NCALD: variants seen among roughly 807,000 people sequenced by gnomAD.
NCALD encodes the protein neurocalcin-delta.
A neutral mutation model predicts 18.6 loss-of-function variants in NCALD; 10 were observed. That is an observed-to-expected ratio of 0.54 (90% CI 0.33 to 0.91). The LOEUF (loss-of-function observed/expected upper bound fraction) is 0.91. NCALD is among the 40% of genes least tolerant of loss of function. NCALD has a pLI of 0.03. For synonymous variants in NCALD, 88 were observed against 87.4 expected (o/e 1.01, Z -0.04); for missense variants, 184 against 247.6 (o/e 0.74, Z 1.72).
At chr8:102,053,556 G>T (rs777735217) in intron 1 of NCALD, among the ~76,000 whole-genome samples, 47 of 152,036 alleles carry the variant, frequency 3.1e-4, no homozygotes, top group Non-Finnish European at 3.5e-4. Context: ...ATTTTACAGT[G>T]GAGCAAACCG....
intron 2 of NCALD, among the ~76,000 whole-genome samples, chr8:101,954,517 G>A (rs1233079785): frequency 6.6e-6 from 1 of 152,116 alleles, no homozygotes; most frequent in African/African-American, 2.4e-5. Context: ...CTCTTACCAT[G>A]AGGGAAACAA....
At chr8:102,039,368 T>C (rs10113490) in intron 1 of NCALD, among the ~76,000 whole-genome samples, 58,196 of 152,084 alleles carry the variant, frequency 0.38, 11,484 homozygotes, top group African/African-American at 0.43. Context: ...CACACTTGCA[T>C]TGTCTTCAGA....
In NCALD at chr8:101,910,947, A is replaced by G. The variant is rs1444429834; in HGVS notation, c.-107+4862T>C. 2.0e-5 allele frequency among the ~76,000 whole-genome samples: 3 copies of G among 152,200 alleles called. No individual in the cohort carries two copies. In the East Asian group the frequency reaches 5.8e-4, roughly 29 times the overall value. On this transcript the variant is annotated intron_variant, in intron 3 of 6. Transcript: ENST00000311028. The stretch of plus-strand genomic sequence containing the variant: ...TGACCTTCCAGCTAAAGATAAATGC[A>G]CTTGCTCTGAGCTTTCACTGAATGC...
At chr8:101,738,544 CAAAAAAACAAAAAAA>C (rs1234931568) in intron 1 of NCALD, among the ~76,000 whole-genome samples, 1 of 16,340 alleles carries the variant, frequency 6.1e-5, no homozygotes, top group Non-Finnish European at 1.3e-4. Flanking sequence ...AACTCCATCT[CAAAAAAACAAAAAAA>C]AAAAAAAAAA....
chr8:101,894,557 A>G (rs1817066273), intron 3 of NCALD, among the ~76,000 whole-genome samples: 1 of 145,068 alleles, frequency 6.9e-6, no homozygotes, highest in Non-Finnish European at 1.5e-5. Flanking sequence ...CCCTTCAAAA[A>G]ATCAAGGAAT....
chr8:101,989,835 G>T (rs1379043539), intron 2 of NCALD, among the ~76,000 whole-genome samples: 1 of 152,092 alleles, frequency 6.6e-6, no homozygotes, highest in Non-Finnish European at 1.5e-5. Flanking sequence ...TCGTTCTCCT[G>T]GTTATAGTAC....
chr8:102,069,025 G>C (rs1211031427), intron 1 of NCALD, among the ~76,000 whole-genome samples: 2 of 152,144 alleles, frequency 1.3e-5, no homozygotes, highest in African/African-American at 2.4e-5. Context: ...CCAGAGGCTG[G>C]GTGAGGGGAG....
intron 3 of NCALD, among the ~76,000 whole-genome samples, chr8:101,910,786 A>T (rs561383720): frequency 2.8e-4 from 42 of 152,210 alleles, no homozygotes; most frequent in Non-Finnish European, 7.3e-5. Context: ...TAAAACCACT[A>T]GGCAAACCTA....
At chr8:102,123,210 A>G (rs1238491866) in intron 1 of NCALD, among the ~76,000 whole-genome samples, 1 of 152,216 alleles carries the variant, frequency 6.6e-6, no homozygotes, top group East Asian at 1.9e-4. Flanking sequence ...ACTTTGAGCG[A>G]GCTTGTGTGG....
At chr8:101,921,998 C>CAG (rs1239116902) in intron 2 of NCALD, among the ~76,000 whole-genome samples, 1 of 150,988 alleles carries the variant, frequency 6.6e-6, no homozygotes, top group Admixed American at 6.6e-5. Flanking sequence ...GGCTGGAATG[C>CAG]AGTGGCACAA....
chr8:101,813,899 T>C (rs985589774), intron 4 of NCALD, among the ~76,000 whole-genome samples: 5 of 152,058 alleles, frequency 3.3e-5, no homozygotes, highest in African/African-American at 1.2e-4. Flanking sequence ...TTTTACTACA[T>C]AAAACTGCAG....
At chr8:101,913,085 G>A (rs1352786969) in intron 3 of NCALD, among the ~76,000 whole-genome samples, 1 of 152,162 alleles carries the variant, frequency 6.6e-6, no homozygotes, top group African/African-American at 2.4e-5. Flanking sequence ...TCAAGCTCCA[G>A]ACAAGAACAC....
chr8:102,084,946 A>G (rs903794933), intron 1 of NCALD, among the ~76,000 whole-genome samples: 4 of 152,180 alleles, frequency 2.6e-5, no homozygotes, highest in South Asian at 2.1e-4. Context: ...GTTCTGGGAA[A>G]ATGAGTAAAA....
intron 4 of NCALD, among the ~76,000 whole-genome samples, chr8:101,859,683 AAAAG>A (rs1815461535): frequency 6.6e-6 from 1 of 152,166 alleles, no homozygotes; most frequent in Admixed American, 6.5e-5. Context: ...ACATAGTATA[AAAAG>A]AAAGAAAAGA....
intron 1 of NCALD, among the ~76,000 whole-genome samples, chr8:102,022,317 C>T (rs1805994177): frequency 1.3e-5 from 2 of 152,204 alleles, no homozygotes; most frequent in Non-Finnish European, 2.9e-5. Context: ...ATGATCATTT[C>T]AGTAAAGCAT....
intron 1 of NCALD, among the ~76,000 whole-genome samples, chr8:101,730,873 G>GT (rs1816800135): frequency 6.6e-6 from 1 of 152,160 alleles, no homozygotes; most frequent in Non-Finnish European, 1.5e-5. Flanking sequence ...GTAAGCACCT[G>GT]TTTTAATGGT....
chr8:101,924,624 C>T (rs532347110), intron 2 of NCALD, among the ~76,000 whole-genome samples: 2 of 152,288 alleles, frequency 1.3e-5, no homozygotes, highest in African/African-American at 4.8e-5. Context: ...ACACAGCTGA[C>T]CATTTATAAA....
At chr8:101,849,544 G>C (rs1010921447) in intron 4 of NCALD, among the ~76,000 whole-genome samples, 4 of 151,898 alleles carry the variant, frequency 2.6e-5, no homozygotes, top group Non-Finnish European at 5.9e-5. Flanking sequence ...TCTGTAAATG[G>C]TCTTCATTTC....
At chr8:102,057,850 T>C (rs1285700492) in intron 1 of NCALD, among the ~76,000 whole-genome samples, 1 of 152,238 alleles carries the variant, frequency 6.6e-6, no homozygotes, top group Admixed American at 6.5e-5. Flanking sequence ...TTTTGAGGCA[T>C]GAAGCACTTG....
Sources: allele counts gnomAD v4.1 joint callset (sites outside exome capture counted in the v4.1 genomes callset), GRCh38; gene constraint gnomAD v4.1.1; transcripts MANE v1.5; gene names NCBI Gene and HGNC (gene_info 2026-07-23, HGNC 2026-07-21).